The following POU3F2 variants were observed in gnomAD, a reference collection of about 807,000 sequenced individuals.
POU3F2 encodes POU domain, class 3, transcription factor 2.
In POU3F2, 11 loss-of-function variants were observed where a neutral mutation model predicts 33.1. That is an observed-to-expected ratio of 0.33 (90% CI 0.21 to 0.55). The LOEUF (loss-of-function observed/expected upper bound fraction) is 0.55. Ranked by LOEUF, POU3F2 falls within the 20% of genes least tolerant of loss-of-function variation. The probability of loss-of-function intolerance (pLI) is 0.91; values close to 1 mark genes in which losing one functional copy is unlikely to be tolerated. For synonymous variants in POU3F2, 332 were observed against 289.6 expected (o/e 1.15, Z -1.49); for missense variants, 456 against 620.2 (o/e 0.74, Z 2.81).
Position 98,836,185 on chromosome 6 carries a change from G to C in POU3F2, c.1312G>C (p.Val438Leu). 6.3e-7 allele frequency: 1 copy of C among 1,579,496 alleles called. No individual in the cohort carries two copies. Among genetic ancestry groups the C allele is most frequent in the Non-Finnish European group, 8.5e-7 (1 of 1,171,190 alleles). Residue 438 changes from valine to leucine, a missense_variant, in exon 1 of 1, where the codon GTG becomes CTG. Transcript: ENST00000328345. ...GSRDTPPHHG[V>L]QTPVQ ...TAGGGACACTCCACCACACCACGGGGTGCAGACGCCCGTCCAGTGAACTCG... is the reference window on the plus strand; with the variant it reads ...TAGGGACACTCCACCACACCACGGGCTGCAGACGCCCGTCCAGTGAACTCG...
In POU3F2 at chr6:98,837,628, C is replaced by T. The variant is rs931764874; in HGVS notation, c.*1423C>T. ...CTGTAATTTATTGCAGAATACACCA[C>T]TTTGACTTGGACAGCTTTCTGCCCC... is the stretch of plus-strand genomic sequence containing the variant. On this transcript the variant is annotated 3_prime_UTR_variant, in exon 1 of 1. Coordinates refer to ENST00000328345, the MANE Select transcript of POU3F2 (RefSeq NM_005604.4). The T allele has an allele frequency of 6.0e-6, 1 of 166,952 alleles. No individual in the cohort carries two copies. Among genetic ancestry groups the T allele is most frequent in the African/African-American group, 2.4e-5 (1 of 41,394 alleles). 10.3% of individuals were successfully genotyped at this position (166,952 alleles called of 1,614,324 possible).
rs1468148250 is a variant in POU3F2, at chr6:98,834,597, A to AG, written c.-271dup. On this transcript the variant is annotated 5_prime_UTR_variant, in exon 1 of 1. Transcript: ENST00000328345. ...GGAGAGAGCTGGAGAGAGCAGGGAG[A>AG]GGGGGGAGCGCCGAGCTAGTCAGAG... 2 of 454,540 alleles carry AG rather than the reference A, an allele frequency of 4.4e-6. No individual in the cohort carries two copies. The highest frequency in any genetic ancestry group is 7.9e-6 in the Non-Finnish European group (2 of 252,488). The allele number at this position is 454,540 out of a possible 1,614,324, so 28.2% of individuals were successfully genotyped here.
chr6:98,838,363 G>T lies in POU3F2; in HGVS notation c.*2158G>T, dbSNP rs1562202809. The T allele has an allele frequency of 6.0e-6, 1 of 167,040 alleles. No individual in the cohort carries two copies. The allele number at this position is 167,040 out of a possible 1,614,324, so 10.3% of individuals were successfully genotyped here. On this transcript the variant is annotated 3_prime_UTR_variant, in exon 1 of 1. Coordinates refer to ENST00000328345, the MANE Select transcript of POU3F2 (RefSeq NM_005604.4). ...GGTCAGAAGCTGGAGTTCAGAGAAT[G>T]TGTCTACAGCTTCTCTGACTCTTAT... is the stretch of plus-strand genomic sequence containing the variant.
chr6:98,838,954 G>A lies in POU3F2; in HGVS notation c.*2749G>A, dbSNP rs1443450804. On this transcript the variant is annotated 3_prime_UTR_variant, in exon 1 of 1. Transcript: ENST00000328345. ...CATAAAGTTTTGGAATAAATTTTAT[G>A]CATATACTGCCAGATTTGATGTTCA... 2 of 150,382 alleles carry A rather than the reference G, an allele frequency of 1.3e-5. No homozygotes were observed. The highest frequency in any genetic ancestry group is 3.0e-5 in the Non-Finnish European group (2 of 67,794). 9.3% of individuals were successfully genotyped at this position (150,382 alleles called of 1,614,324 possible).
chr6:98,835,665 G>C lies in POU3F2; in HGVS notation c.792G>C (p.Thr264=), dbSNP rs1298176692. The change falls in exon 1 of 1, where the codon ACG becomes ACC. Residue 264 remains threonine, a synonymous_variant. Transcript: ENST00000328345. The surrounding 1 kb of genome is among the most constrained non-coding windows in gnomAD (Gnocchi z 9.7). Reference sequence around the variant, plus strand: ...ACGACCCGCACTCGGACGAGGACACGCCGACCTCGGACGACCTGGAGCAGT... The same window carrying C: ...ACGACCCGCACTCGGACGAGGACACCCCGACCTCGGACGACCTGGAGCAGT... ...AHHDPHSDED[T]PTSDDLEQFA... 6 of 1,613,428 alleles carry C rather than the reference G, an allele frequency of 3.7e-6. No individual in the cohort carries two copies. Among genetic ancestry groups the C allele is most frequent in the Non-Finnish European group, 5.1e-6 (6 of 1,179,936 alleles).
chr6:98,836,587 A>C lies in POU3F2; in HGVS notation c.*382A>C. The C allele has an allele frequency of 5.6e-6, 1 of 180,064 alleles. No individual in the cohort carries two copies. Among genetic ancestry groups the C allele is most frequent in the Non-Finnish European group, 1.3e-5 (1 of 77,264 alleles). 11.2% of individuals were successfully genotyped at this position (180,064 alleles called of 1,614,324 possible). Reference sequence around the variant, plus strand: ...CCAAAAAGGAAAAAAAATCCACCAAACCATGATAAACACAAAATGCAGCTT... The same window carrying C: ...CCAAAAAGGAAAAAAAATCCACCAACCCATGATAAACACAAAATGCAGCTT... On this transcript the variant is annotated 3_prime_UTR_variant, in exon 1 of 1. Coordinates refer to ENST00000328345, the MANE Select transcript of POU3F2 (RefSeq NM_005604.4).
chr6:98,834,822 T>A lies in POU3F2; in HGVS notation c.-52T>A, dbSNP rs956056697. 4.7e-5 allele frequency: 73 copies of A among 1,566,662 alleles called. 1 individual carries two copies. The East Asian group carries it at 1.7e-3, about 37-fold the overall frequency. On this transcript the variant is annotated 5_prime_UTR_variant, in exon 1 of 1. Coordinates refer to ENST00000328345, the MANE Select transcript of POU3F2 (RefSeq NM_005604.4). ...AGGGAGCCCGAGGCGAAAAAGTAAC[T>A]GTCAAATGCGCGGCTCCTTTAACCG...
Position 98,834,927 on chromosome 6 carries a change from C to T in POU3F2, c.54C>T (p.Ile18=). 6.2e-7 allele frequency: 1 copy of T among 1,600,206 alleles called. No individual in the cohort carries two copies. Among genetic ancestry groups the T allele is most frequent in the Middle Eastern group, 1.7e-4 (1 of 6,052 alleles). The part of the protein sequence containing the change: ...HYSLLTSSAS[I]VHAEPPGGMQ... ...GCCTGCTCACCTCCAGCGCCTCCAT[C>T]GTGCACGCCGAGCCGCCCGGCGGCA... Residue 18 remains isoleucine (I), a synonymous_variant, in exon 1 of 1, where the codon ATC becomes ATT. Transcript: ENST00000328345.
chr6:98,834,787 G>C lies in POU3F2; in HGVS notation c.-87G>C. 4 of 1,426,202 alleles carry C rather than the reference G, an allele frequency of 2.8e-6. No homozygotes were observed. Among genetic ancestry groups the C allele is most frequent in the East Asian group, 2.6e-5 (1 of 38,204 alleles). The allele number at this position is 1,426,202 out of a possible 1,614,324, so 88.3% of individuals were successfully genotyped here. ...GGGAGAGAGAGGAGACAGAAAGAGC[G>C]AGCGAGGAGAGGGAGCCCGAGGCGA... On this transcript the variant is annotated 5_prime_UTR_variant, in exon 1 of 1. Coordinates refer to ENST00000328345, the MANE Select transcript of POU3F2 (RefSeq NM_005604.4).
rs1241015175 is a variant in POU3F2, at chr6:98,838,691, C to T, written c.*2486C>T. The T allele has an allele frequency of 1.8e-5, 3 of 165,406 alleles. No individual in the cohort carries two copies. Among genetic ancestry groups the T allele is most frequent in the Non-Finnish European group, 4.4e-5 (3 of 68,050 alleles). The allele number at this position is 165,406 out of a possible 1,614,324, so 10.2% of individuals were successfully genotyped here. On this transcript the variant is annotated 3_prime_UTR_variant, in exon 1 of 1. Coordinates refer to ENST00000328345, the MANE Select transcript of POU3F2 (RefSeq NM_005604.4). The stretch of plus-strand genomic sequence containing the variant: ...TCTTAAAAAATACTTTGTTTTGGTA[C>T]ATTTGGTTGTGCTTGTGGGGAAAAT...
chr6:98,835,291 C>A lies in POU3F2; in HGVS notation c.418C>A (p.Gln140Lys). 1 of 1,545,720 alleles carries A rather than the reference C, an allele frequency of 6.5e-7. No homozygotes were observed. Among genetic ancestry groups the A allele is most frequent in the Non-Finnish European group, 8.7e-7 (1 of 1,145,026 alleles). The change falls in exon 1 of 1, where the codon CAG (glutamine) becomes AAG (lysine). Residue 140 changes from glutamine (Q) to lysine (K), a missense_variant. Gln to Lys is a moderately conservative substitution (Grantham distance 53, BLOSUM62 1). Coordinates refer to ENST00000328345, the MANE Select transcript of POU3F2 (RefSeq NM_005604.4). The surrounding 1 kb of genome is among the most constrained non-coding windows in gnomAD (Gnocchi z 9.7). ...GCAACAGCAACAGCAGCAGCAACAG[C>A]AGCAACAGCAGCAGCAGCAGCAGCA... ...QQQQQQQQQQ[Q>K]QQQQQQQQQR... is the part of the protein sequence containing the mutation.
chr6:98,835,122 C>CGGCGGG lies in POU3F2; in HGVS notation c.255_260dup (p.Gly87_Gly88dup). 1 of 1,188,672 alleles carries CGGCGGG rather than the reference C, an allele frequency of 8.4e-7. No homozygotes were observed. The highest frequency in any genetic ancestry group is 1.0e-6 in the Non-Finnish European group (1 of 961,410). 73.6% of individuals were successfully genotyped at this position (1,188,672 alleles called of 1,614,324 possible). On this transcript the variant is annotated inframe_insertion, in exon 1 of 1. Transcript: ENST00000328345. The surrounding 1 kb of genome is among the most constrained non-coding windows in gnomAD (Gnocchi z 9.7). Reference sequence around the variant, plus strand: ...GCGGCGGCGGGGGGGGCGGGGGCGGCGGCGGGGGCGGCGGCGACGGCTCCC... The same window carrying CGGCGGG: ...GCGGCGGCGGGGGGGGCGGGGGCGGCGGCGGGGGCGGGGGCGGCGGCGACGGCTCCC...
chr6:98,834,959 A>G lies in POU3F2; in HGVS notation c.86A>G (p.Gln29Arg). 6.3e-7 allele frequency: 1 copy of G among 1,599,326 alleles called. No individual in the cohort carries two copies. The highest frequency in any genetic ancestry group is 8.5e-7 in the Non-Finnish European group (1 of 1,178,952). ...VHAEPPGGMQ[Q>R]GAGGYREAQS... ...GCCGAGCCGCCCGGCGGCATGCAGC[A>G]GGGCGCGGGGGGCTACCGCGAAGCG... Residue 29 changes from glutamine to arginine, a missense_variant, in exon 1 of 1, where the codon CAG becomes CGG. By Grantham distance (43) the Gln-to-Arg change is conservative. Transcript: ENST00000328345.
chr6:98,834,594 G>C lies in POU3F2; in HGVS notation c.-280G>C, dbSNP rs908288674. On this transcript the variant is annotated 5_prime_UTR_variant, in exon 1 of 1. Transcript: ENST00000328345. ...GCGGGAGAGAGCTGGAGAGAGCAGGGAGAGGGGGGAGCGCCGAGCTAGTCA... is the reference window on the plus strand; with the variant it reads ...GCGGGAGAGAGCTGGAGAGAGCAGGCAGAGGGGGGAGCGCCGAGCTAGTCA... 1 of 476,126 alleles carries C rather than the reference G, an allele frequency of 2.1e-6. No homozygotes were observed. Among genetic ancestry groups the C allele is most frequent in the South Asian group, 2.3e-5 (1 of 44,078 alleles). 29.5% of individuals were successfully genotyped at this position (476,126 alleles called of 1,614,324 possible).
rs924420160 is a variant in POU3F2, at chr6:98,838,859, G to C, written c.*2654G>C. 2.6e-5 allele frequency: 4 copies of C among 152,988 alleles called. No homozygotes were observed. In the South Asian group the frequency reaches 8.3e-4, roughly 32 times the overall value. 9.5% of individuals were successfully genotyped at this position (152,988 alleles called of 1,614,324 possible). ...TTTAAAGATAGTGCCAAGTTTTAAG[G>C]GGGGAAAACCCTAGACCTTAAATTG... is the stretch of plus-strand genomic sequence containing the variant. On this transcript the variant is annotated 3_prime_UTR_variant, in exon 1 of 1. Transcript: ENST00000328345.
chr6:98,838,287 A>T lies in POU3F2; in HGVS notation c.*2082A>T, dbSNP rs1276439754. On this transcript the variant is annotated 3_prime_UTR_variant, in exon 1 of 1. Transcript: ENST00000328345. ...GCTATCCAGAGCAGGGCAAATAGCC[A>T]CTGGTAAAGGGAGGAAATGAATTTC... The T allele has an allele frequency of 6.0e-6, 1 of 167,068 alleles. No individual in the cohort carries two copies. The highest frequency in any genetic ancestry group is 1.5e-5 in the Non-Finnish European group (1 of 68,120). The allele number at this position is 167,068 out of a possible 1,614,324, so 10.3% of individuals were successfully genotyped here. A position where few individuals can be genotyped will look rare whatever the true frequency, so the allele number is the denominator to read the frequency against.
Position 98,838,669 on chromosome 6 carries a change from TA to T in POU3F2, c.*2470del, listed in dbSNP as rs1196802397. The T allele has an allele frequency of 6.0e-6, 1 of 166,084 alleles. No homozygotes were observed. Among genetic ancestry groups the T allele is most frequent in the Non-Finnish European group, 1.5e-5 (1 of 68,106 alleles). The allele number at this position is 166,084 out of a possible 1,614,324, so 10.3% of individuals were successfully genotyped here. ...GATGTAATTTTTTTGTTCAGTCTCT[TA>T]AAAAATACTTTGTTTTGGTACATTT... On this transcript the variant is annotated 3_prime_UTR_variant, in exon 1 of 1. Transcript: ENST00000328345.
chr6:98,836,219 G>A lies in POU3F2; in HGVS notation c.*14G>A, dbSNP rs751701736. On this transcript the variant is annotated 3_prime_UTR_variant, in exon 1 of 1. Transcript: ENST00000328345. ...CCCGTCCAGTGAACTCGAGCTGGGG[G>A]AGGGGCAGAGCGCGGGGCTCCCCCT... 8 of 1,556,104 alleles carry A rather than the reference G, an allele frequency of 5.1e-6. No individual in the cohort carries two copies. In the South Asian group the frequency reaches 1.0e-4, roughly 19 times the overall value.
chr6:98,835,329 G>A lies in POU3F2; in HGVS notation c.456G>A (p.Pro152=). The A allele has an allele frequency of 1.3e-6, 2 of 1,545,430 alleles. No individual in the cohort carries two copies. The highest frequency in any genetic ancestry group is 1.7e-6 in the Non-Finnish European group (2 of 1,145,728). The change falls in exon 1 of 1, where the codon CCG becomes CCA. Residue 152 remains proline (P), a synonymous_variant. Coordinates refer to ENST00000328345, the MANE Select transcript of POU3F2 (RefSeq NM_005604.4). This position sits in a 1 kb window ranked among gnomAD's most constrained non-coding sequence, Gnocchi z 9.7. ...AGCAGCAGCAGCAACAGCGGCCGCC[G>A]CATCTGGTGCACCACGCCGCTAACC... ...QQQQQQQQRP[P]HLVHHAANHH...
Sources: allele counts gnomAD v4.1 joint callset, GRCh38; gene constraint gnomAD v4.1.1; non-coding constraint Gnocchi (gnomAD v3.1); transcripts MANE v1.5; gene names NCBI Gene and HGNC (gene_info 2026-07-23, HGNC 2026-07-21).